Variants in SDK2 observed in about 807,000 individuals in gnomAD.
The protein encoded by SDK2 is protein sidekick-2.
In SDK2, 105 loss-of-function variants were observed where a neutral mutation model predicts 253.9. That is an observed-to-expected ratio of 0.41 (90% CI 0.35 to 0.49). SDK2 has a LOEUF of 0.49. SDK2 is among the 20% of genes least tolerant of loss of function. The pLI is 0.06. For missense variants in SDK2, 2,608 were observed against 3,003.0 expected (o/e 0.87, Z 3.07); for synonymous variants, 1,249 against 1,234.9 (o/e 1.01, Z -0.24).
chr17:73,620,489 T>C (rs964636828), intron 1 of SDK2, among the ~76,000 whole-genome samples: 5 of 152,172 alleles, frequency 3.3e-5, no homozygotes, highest in African/African-American at 7.2e-5. Context: ...AAGTTAAACA[T>C]AGAATTACCA....
At chr17:73,584,084 G>A (rs12602721) in intron 1 of SDK2, among the ~76,000 whole-genome samples, 5,653 of 152,308 alleles carry the variant, frequency 0.037, 312 homozygotes, top group African/African-American at 0.12. Context: ...CAGTACGGAC[G>A]GAGAGGGGAG....
intron 4 of SDK2, among the ~76,000 whole-genome samples, chr17:73,451,375 G>A (rs1302300008): frequency 6.6e-6 from 1 of 152,182 alleles, no homozygotes; most frequent in Non-Finnish European, 1.5e-5. Flanking sequence ...ATGTGGTGGT[G>A]CATGCCTGTA....
intron 2 of SDK2, among the ~76,000 whole-genome samples, chr17:73,506,979 C>A (rs2063940728): frequency 6.6e-6 from 1 of 152,264 alleles, no homozygotes. Context: ...TGTGTCCCAC[C>A]TGAATTTCCC....
chr17:73,343,256 G>A (rs538464049), intron 44 of SDK2, among the ~76,000 whole-genome samples: 4 of 152,380 alleles, frequency 2.6e-5, no homozygotes, highest in Admixed American at 6.5e-5. Flanking sequence ...AGAGCAGGGA[G>A]CCAAACAGAG....
At chr17:73,590,493 T>C (rs2045666158) in intron 1 of SDK2, among the ~76,000 whole-genome samples, 2 of 152,236 alleles carry the variant, frequency 1.3e-5, no homozygotes, top group Admixed American at 1.3e-4. Flanking sequence ...TCTGGGCTGC[T>C]CCTTCAGACC....
chr17:73,375,935 C>G (rs540917186), intron 36 of SDK2, among the ~76,000 whole-genome samples: 1 of 152,002 alleles, frequency 6.6e-6, no homozygotes, highest in South Asian at 2.1e-4. Flanking sequence ...CTGGCTCACT[C>G]CTGTAATCCC....
chr17:73,463,268 T>C (rs2063576134), intron 3 of SDK2, among the ~76,000 whole-genome samples: 1 of 152,196 alleles, frequency 6.6e-6, no homozygotes, highest in African/African-American at 2.4e-5. Context: ...TGGGGCACAG[T>C]AGAAGGTGCT....
At chr17:73,365,081 C>T (rs975228980) in intron 38 of SDK2, among the ~76,000 whole-genome samples, 177 bp downstream of exon 38, 3 of 152,186 alleles carry the variant, frequency 2.0e-5, no homozygotes, top group Non-Finnish European at 4.4e-5. Flanking sequence ...CCTCAACTTG[C>T]TGTTGTTTTA....
chr17:73,591,317 C>T (rs987688186), intron 1 of SDK2, among the ~76,000 whole-genome samples: 2 of 152,226 alleles, frequency 1.3e-5, no homozygotes, highest in Admixed American at 1.3e-4. Flanking sequence ...GTCTCCTTTG[C>T]TGGCGCCGGG....
At chr17:73,488,607 T>C (rs985690793) in intron 2 of SDK2, among the ~76,000 whole-genome samples, 1 of 151,964 alleles carries the variant, frequency 6.6e-6, no homozygotes, top group Non-Finnish European at 1.5e-5. Flanking sequence ...TTTTTTTTTT[T>C]TCCAATTTCC....
Position 73,338,086 on chromosome 17 carries a change from G to C in SDK2, c.*501C>G, listed in dbSNP as rs1367873670. 1 of 241,036 alleles carries C rather than the reference G, an allele frequency of 4.1e-6. No individual in the cohort carries two copies. Among genetic ancestry groups the C allele is most frequent in the Non-Finnish European group, 8.3e-6 (1 of 119,902 alleles). 14.9% of individuals were successfully genotyped at this position (241,036 alleles called of 1,614,324 possible). A position where few individuals can be genotyped will look rare whatever the true frequency, so the allele number is the denominator to read the frequency against. On this transcript the variant is annotated 3_prime_UTR_variant, in exon 45 of 45. Coordinates refer to ENST00000392650, the MANE Select transcript of SDK2 (RefSeq NM_001144952.2). The surrounding 1 kb of genome is among the most constrained non-coding windows in gnomAD (Gnocchi z 5.0). Reference sequence around the variant, plus strand: ...CACAGTGATGGTGCATGGAGGGAAGGAGGAGCAGAGAGAGAAGATAGGCGT... The same window carrying C: ...CACAGTGATGGTGCATGGAGGGAAGCAGGAGCAGAGAGAGAAGATAGGCGT...
intron 3 of SDK2, among the ~76,000 whole-genome samples, chr17:73,458,947 T>TGAGCCGAGATGGGGTC (rs1356239926): frequency 6.6e-6 from 1 of 152,130 alleles, no homozygotes; most frequent in African/African-American, 2.4e-5. Flanking sequence ...GAGGTTGCGG[T>TGAGCCGAGATGGGGTC]GAGCCGAGAT....
Position 73,398,438 on chromosome 17 carries a change from G to A in SDK2, c.3094-9C>T, listed in dbSNP as rs759212658. ...TCCCCAACCACGCCTACCTGGAAAA[G>A]GGCAGGATCTTAGGCCTGTCCAGCC... On this transcript the variant is annotated splice_polypyrimidine_tract_variant and intron_variant, in intron 22 of 44. Coordinates refer to ENST00000392650, the MANE Select transcript of SDK2 (RefSeq NM_001144952.2). The A allele has an allele frequency of 6.3e-5, 101 of 1,611,590 alleles. No individual in the cohort carries two copies. The highest frequency in any genetic ancestry group is 7.6e-5 in the Non-Finnish European group (89 of 1,178,154).
intron 44 of SDK2, among the ~76,000 whole-genome samples, chr17:73,347,045 C>T (rs750221261): frequency 6.6e-6 from 1 of 152,188 alleles, no homozygotes; most frequent in Non-Finnish European, 1.5e-5. Flanking sequence ...GGCAGCAGCA[C>T]TGACTTATTT....
intron 3 of SDK2, among the ~76,000 whole-genome samples, chr17:73,463,804 T>C (rs1253828299): frequency 6.6e-6 from 1 of 152,224 alleles, no homozygotes; most frequent in African/African-American, 2.4e-5. Context: ...ACGCTTCATT[T>C]GTTTTTGGTG....
intron 3 of SDK2, among the ~76,000 whole-genome samples, chr17:73,457,082 T>C (rs2063530806): frequency 1.3e-5 from 2 of 152,172 alleles, no homozygotes; most frequent in African/African-American, 4.8e-5. Context: ...GAGCATATTA[T>C]TTGTCCCAAA....
intron 18 of SDK2, among the ~76,000 whole-genome samples, chr17:73,404,279 A>G (rs1428668598): frequency 6.6e-6 from 1 of 152,132 alleles, no homozygotes; most frequent in Non-Finnish European, 1.5e-5. Flanking sequence ...GTCCTTCTCC[A>G]GTTGCACGTG....
intron 36 of SDK2, among the ~76,000 whole-genome samples, chr17:73,370,927 G>A (rs979149102): frequency 9.2e-5 from 14 of 151,948 alleles, no homozygotes; most frequent in African/African-American, 3.4e-4. Flanking sequence ...AGCCAGGAGT[G>A]GTGGTGTGCA....
chr17:73,470,377 CA>C (rs1367385349), intron 3 of SDK2, among the ~76,000 whole-genome samples: 1 of 152,086 alleles, frequency 6.6e-6, no homozygotes, highest in African/African-American at 2.4e-5. Flanking sequence ...ACAAAAAGGC[CA>C]ACCAACCTGG....
Sources: allele counts gnomAD v4.1 joint callset (sites outside exome capture counted in the v4.1 genomes callset), GRCh38; gene constraint gnomAD v4.1.1; non-coding constraint Gnocchi (gnomAD v3.1); transcripts MANE v1.5; gene names NCBI Gene and HGNC (gene_info 2026-07-23, HGNC 2026-07-21).